The following CACNA1B variants were observed in gnomAD, a reference collection of about 807,000 sequenced individuals.
CACNA1B encodes the protein calcium voltage-gated channel subunit alpha1 B, also known as voltage-dependent N-type calcium channel subunit alpha-1B.
Under a neutral mutation model 247.2 loss-of-function variants are expected in CACNA1B, and 70 were observed. The ratio of observed to expected loss-of-function variants is 0.28; its 90% CI spans 0.23 to 0.35. CACNA1B has a LOEUF of 0.35. Among genes scored for constraint, CACNA1B ranks in the 10% least tolerant of loss-of-function variants. CACNA1B has a pLI of 1.00. For missense variants in CACNA1B, 2,367 were observed against 3,197.4 expected (o/e 0.74, Z 6.26); for synonymous variants, 1,231 against 1,294.4 (o/e 0.95, Z 1.05).
At chr9:138,041,797 C>G (rs895848680) in intron 20 of CACNA1B, among the ~76,000 whole-genome samples, 3 of 152,134 alleles carry the variant, frequency 2.0e-5, no homozygotes, top group African/African-American at 7.2e-5. Flanking sequence ...TTCTGTCACC[C>G]AGACTGGAGT....
chr9:137,905,558 A>T (rs1415239841), intron 3 of CACNA1B, among the ~76,000 whole-genome samples: 1 of 152,188 alleles, frequency 6.6e-6, no homozygotes, highest in Non-Finnish European at 1.5e-5. Flanking sequence ...AATAAATTAA[A>T]GTGTAAATAT....
In CACNA1B at chr9:138,007,577, C is replaced by G. The variant is rs1958668975; in HGVS notation, c.2092+693C>G. ...CCTAGAAGTGTCTTTGGTTCTCAAA[C>G]TCATCTGGGCATCACAGTCCCCTGA... is the stretch of plus-strand genomic sequence containing the variant. On this transcript the variant is annotated intron_variant, in intron 16 of 46. Transcript: ENST00000371372. The surrounding 1 kb of genome is among the most constrained non-coding windows in gnomAD (Gnocchi z 4.1). 6.6e-6 allele frequency among the ~76,000 whole-genome samples: 1 copy of G among 152,174 alleles called. No individual in the cohort carries two copies. The highest frequency in any genetic ancestry group is 2.4e-5 in the African/African-American group (1 of 41,432).
intron 2 of CACNA1B, among the ~76,000 whole-genome samples, chr9:137,879,572 C>T (rs1220377251): frequency 1.3e-5 from 2 of 152,264 alleles, no homozygotes; most frequent in Non-Finnish European, 2.9e-5. Context: ...GATGTGGGAA[C>T]CCTGAGCCTC....
chr9:137,967,071 T>G (rs1301430468), intron 10 of CACNA1B, among the ~76,000 whole-genome samples: 1 of 152,068 alleles, frequency 6.6e-6, no homozygotes, highest in Non-Finnish European at 1.5e-5. Context: ...CTATTCTTCA[T>G]CCCAAGTTCT....
chr9:138,047,512 GA>G lies in CACNA1B; in HGVS notation c.3603+55del, dbSNP rs1378936949. 3.2e-6 allele frequency: 4 copies of G among 1,249,466 alleles called. No individual in the cohort carries two copies. The African/African-American group carries it at 5.9e-5, about 18-fold the overall frequency. The allele number at this position is 1,249,466 out of a possible 1,614,324, so 77.4% of individuals were successfully genotyped here. On this transcript the variant is annotated intron_variant, in intron 23 of 46. Coordinates refer to ENST00000371372, the MANE Select transcript of CACNA1B (RefSeq NM_000718.4). ...CAGTGTTTTGCTCTCCCTCCCTCAT[GA>G]TTGAGATGGGACCAGGGCAGTGGTT...
intron 12 of CACNA1B, among the ~76,000 whole-genome samples, chr9:137,980,884 T>C (rs1260922353): frequency 6.6e-6 from 1 of 152,220 alleles, no homozygotes; most frequent in East Asian, 1.9e-4. Context: ...ATATAATGCA[T>C]TTTCTTGATC....
rs770523662 is a variant in CACNA1B at position 138,050,469 on chromosome 9, G to A, written c.3710+1154G>A. On this transcript the variant is annotated intron_variant, in intron 24 of 46. Transcript: ENST00000371372. This position sits in a 1 kb window ranked among gnomAD's most constrained non-coding sequence, Gnocchi z 5.2. The stretch of plus-strand genomic sequence containing the variant: ...CGGTGCAGCTCCTCTCTGGAAGAGC[G>A]GCATTCTTTCCTCTGTTTCCTCTCC... 4.6e-5 allele frequency among the ~76,000 whole-genome samples: 7 copies of A among 152,336 alleles called. No homozygotes were observed. Among genetic ancestry groups the A allele is most frequent in the Admixed American group, 1.3e-4 (2 of 15,306 alleles).
chr9:137,926,214 C>T (rs529848951), intron 6 of CACNA1B, among the ~76,000 whole-genome samples: 1 of 151,920 alleles, frequency 6.6e-6, no homozygotes, highest in African/African-American at 2.4e-5. Flanking sequence ...GGATTACAGG[C>T]ACCTGCCACA....
intron 3 of CACNA1B, among the ~76,000 whole-genome samples, chr9:137,883,696 GC>G (rs1163232375): frequency 6.6e-6 from 1 of 152,124 alleles, no homozygotes; most frequent in Non-Finnish European, 1.5e-5. Context: ...TTGGGGAGTT[GC>G]CCCCACAGAG....
intron 38 of CACNA1B, among the ~76,000 whole-genome samples, chr9:138,104,293 T>TGGGGAGGGCAGCCCTCCAGTGCCC (rs1448592724): frequency 1.3e-5 from 2 of 152,198 alleles, no homozygotes; most frequent in African/African-American, 4.8e-5. Flanking sequence ...ATGGCACCCC[T>TGGGGAGGGCAGCCCTCCAGTGCCC]GGGGAGGGCA....
chr9:138,038,806 A>G (rs1311981154), intron 20 of CACNA1B, among the ~76,000 whole-genome samples: 5 of 152,146 alleles, frequency 3.3e-5, no homozygotes, highest in Non-Finnish European at 4.4e-5. Flanking sequence ...GGCTACTTTG[A>G]TGAGATAGAG....
intron 26 of CACNA1B, among the ~76,000 whole-genome samples, chr9:138,056,036 C>T (rs1331547549): frequency 1.3e-5 from 2 of 149,688 alleles, no homozygotes; most frequent in Non-Finnish European, 3.0e-5. Flanking sequence ...AAAAAAAAAA[C>T]AAAAACAGAA....
In CACNA1B at chr9:138,050,051, T is replaced by A. The variant is rs1959225223; in HGVS notation, c.3710+736T>A. On this transcript the variant is annotated intron_variant, in intron 24 of 46. Transcript: ENST00000371372. This position sits in a 1 kb window ranked among gnomAD's most constrained non-coding sequence, Gnocchi z 5.2. Reference sequence around the variant, plus strand: ...GGTGCCACTGACTCTGTTCTCTTTGTCTTCCTCTTGCTGGACTCGGCAGGA... The same window carrying A: ...GGTGCCACTGACTCTGTTCTCTTTGACTTCCTCTTGCTGGACTCGGCAGGA... 7.8e-7 allele frequency: 1 copy of A among 1,289,408 alleles called. No homozygotes were observed. Among genetic ancestry groups the A allele is most frequent in the East Asian group, 5.5e-5 (1 of 18,020 alleles). The allele number at this position is 1,289,408 out of a possible 1,614,324, so 79.9% of individuals were successfully genotyped here. A position where few individuals can be genotyped will look rare whatever the true frequency, so the allele number is the denominator to read the frequency against.
chr9:137,910,408 C>A (rs1270680406), intron 3 of CACNA1B, among the ~76,000 whole-genome samples: 3 of 152,144 alleles, frequency 2.0e-5, no homozygotes. Context: ...GCACTGGGCT[C>A]ATGGAAGACA....
intron 6 of CACNA1B, among the ~76,000 whole-genome samples, chr9:137,948,826 T>C (rs1957830589): frequency 6.7e-6 from 1 of 149,474 alleles, no homozygotes; most frequent in African/African-American, 2.5e-5. Context: ...GTGTGTGGTG[T>C]GTGCACTTGT....
chr9:138,021,914 C>A (rs1036114559), intron 18 of CACNA1B, among the ~76,000 whole-genome samples: 1 of 152,192 alleles, frequency 6.6e-6, no homozygotes, highest in Non-Finnish European at 1.5e-5. Context: ...GGCTCCAGGG[C>A]GGGCCTCTGG....
intron 6 of CACNA1B, among the ~76,000 whole-genome samples, chr9:137,927,595 G>A (rs749202690): frequency 4.6e-5 from 7 of 152,186 alleles, no homozygotes; most frequent in Non-Finnish European, 7.3e-5. Flanking sequence ...CTTGGTCTGC[G>A]TATCTCGATC....
intron 18 of CACNA1B, among the ~76,000 whole-genome samples, chr9:138,021,796 G>T (rs909739541): frequency 6.6e-6 from 1 of 152,260 alleles, no homozygotes; most frequent in African/African-American, 2.4e-5. Context: ...ACTGGATGAA[G>T]TGGGCACTGC....
chr9:137,999,526 TAA>T (rs1182628688), intron 15 of CACNA1B, among the ~76,000 whole-genome samples: 1 of 149,004 alleles, frequency 6.7e-6, no homozygotes, highest in African/African-American at 2.5e-5. Flanking sequence ...CAAGTACTCT[TAA>T]AAAAAAAAGT....
Sources: allele counts gnomAD v4.1 joint callset (sites outside exome capture counted in the v4.1 genomes callset), GRCh38; gene constraint gnomAD v4.1.1; non-coding constraint Gnocchi (gnomAD v3.1); transcripts MANE v1.5; gene names NCBI Gene and HGNC (gene_info 2026-07-23, HGNC 2026-07-21).